Variants in TPTE2 observed in about 807,000 individuals in gnomAD.
TPTE2 encodes phosphatidylinositol 3,4,5-trisphosphate 3-phosphatase TPTE2.
In TPTE2, 53 loss-of-function variants were observed where a neutral mutation model predicts 78.6. The observed-to-expected ratio is 0.67, with a 90% confidence interval of 0.54 to 0.85. The LOEUF (loss-of-function observed/expected upper bound fraction) is 0.85, where lower values mean the gene tolerates loss of function less well. Among genes scored for constraint, TPTE2 ranks in the 40% least tolerant of loss-of-function variants. The probability of loss-of-function intolerance (pLI) is 0.00; values close to 1 mark genes in which losing one functional copy is unlikely to be tolerated. For synonymous variants in TPTE2, 175 were observed against 206.2 expected (o/e 0.85, Z 1.30); for missense variants, 461 against 623.0 (o/e 0.74, Z 2.77).
Position 19,475,222 on chromosome 13 carries a change from AT to A in TPTE2, c.230+350del, listed in dbSNP as rs577275174. Reference sequence around the variant, plus strand: ...GTATAGATGCATATGAGACTCATATATTTTTTTTTCTTTTTTTTTTTTACAT... The same window carrying A: ...GTATAGATGCATATGAGACTCATATATTTTTTTTCTTTTTTTTTTTTACAT... On this transcript the variant is annotated intron_variant, in intron 5 of 19. Coordinates refer to ENST00000400230, the Ensembl canonical transcript of TPTE2. Among the ~76,000 whole-genome samples the A allele has an allele frequency of 4.9e-3, 736 of 150,014 alleles. 5 individuals are homozygous for A. Among genetic ancestry groups the A allele is most frequent in the South Asian group, 0.027 (127 of 4,728 alleles).
intron 13 of TPTE2, among the ~76,000 whole-genome samples, chr13:19,439,898 C>T (rs1277255211): frequency 2.0e-5 from 3 of 151,286 alleles, no homozygotes; most frequent in African/African-American, 4.9e-5. Flanking sequence ...TCCAGTCAGA[C>T]AAAAATAAAG....
chr13:19,499,991 A>G (rs1881659068), intron 1 of TPTE2, among the ~76,000 whole-genome samples: 1 of 147,168 alleles, frequency 6.8e-6, no homozygotes, highest in African/African-American at 2.6e-5. Flanking sequence ...CCACAGAAAT[A>G]CAAACTACCA....
At chr13:19,537,671 T>C (rs778443804), upstream of TPTE2, among the ~76,000 whole-genome samples, 10 of 151,934 alleles carry the variant, frequency 6.6e-5, no homozygotes, top group African/African-American at 1.4e-4. Context: ...GGTACTGTGT[T>C]GGCTCACTGC....
the TPTE2 span, among the ~76,000 whole-genome samples, chr13:19,543,006 G>A: frequency 1.3e-5 from 2 of 151,254 alleles, no homozygotes; most frequent in Non-Finnish European, 3.0e-5. Flanking sequence ...TGCTTTTCTC[G>A]TATCTTAGGA....
chr13:19,495,485 C>G (rs1258714536), intron 1 of TPTE2, among the ~76,000 whole-genome samples: 1 of 152,150 alleles, frequency 6.6e-6, no homozygotes, highest in Non-Finnish European at 1.5e-5. Context: ...TCTGTGAGTT[C>G]CTCCCCATTT....
chr13:19,443,149 T>C lies in TPTE2; in HGVS notation c.974-4996A>G, dbSNP rs140677690. On this transcript the variant is annotated intron_variant, in intron 13 of 19. Transcript: ENST00000400230. ...AATATTAACAGACAGAATCTGGCAA[T>C]ATAATAATAAAATAATTTAATAAGT... is the stretch of plus-strand genomic sequence containing the variant. Among the ~76,000 whole-genome samples, 226 of 152,084 alleles carry C rather than the reference T, an allele frequency of 1.5e-3. 3 individuals carry two copies. The East Asian group carries it at 0.038, about 25-fold the overall frequency.
upstream of TPTE2, chr13:19,503,419 G>T: frequency 2.3e-6 from 2 of 860,278 alleles, no homozygotes; most frequent in Non-Finnish European, 3.5e-6. Flanking sequence ...GGTCTGAAAT[G>T]TCATTTTTTT....
chr13:19,462,006 C>T (rs1312909828), intron 10 of TPTE2, among the ~76,000 whole-genome samples: 5 of 148,610 alleles, frequency 3.4e-5, no homozygotes, highest in Admixed American at 2.7e-4. Context: ...GTTTACATTA[C>T]ATTCAAGGTT....
chr13:19,553,282 C>T, the TPTE2 span, among the ~76,000 whole-genome samples: 2 of 152,192 alleles, frequency 1.3e-5, no homozygotes, highest in Admixed American at 1.3e-4. Flanking sequence ...AACTTATTTA[C>T]TTTTGAAACT....
chr13:19,554,406 A>T, the TPTE2 span, among the ~76,000 whole-genome samples: 2 of 145,620 alleles, frequency 1.4e-5, no homozygotes, highest in African/African-American at 2.5e-5. Flanking sequence ...ATAAATATAA[A>T]AAATAAAATA....
chr13:19,475,636 G>A lies in TPTE2; in HGVS notation c.180-13C>T. 1 of 1,606,324 alleles carries A rather than the reference G, an allele frequency of 6.2e-7. No individual in the cohort carries two copies. The highest frequency in any genetic ancestry group is 8.5e-7 in the Non-Finnish European group (1 of 1,176,872). ...CTTAATCTTGCTGCTGCAAAAAGAAGTAAAAATAAAATTAACCAGATTTCT... is the reference window on the plus strand; with the variant it reads ...CTTAATCTTGCTGCTGCAAAAAGAAATAAAAATAAAATTAACCAGATTTCT... On this transcript the variant is annotated splice_polypyrimidine_tract_variant and intron_variant, in intron 4 of 19. Transcript: ENST00000400230.
intron 1 of TPTE2, among the ~76,000 whole-genome samples, chr13:19,534,142 C>G (rs376940432): frequency 6.6e-6 from 1 of 152,178 alleles, no homozygotes; most frequent in Non-Finnish European, 1.5e-5. Context: ...AAACATACAA[C>G]GCTACATCAG....
Position 19,522,710 on chromosome 13 carries a change from C to T in TPTE2, c.-44+13886G>A, listed in dbSNP as rs567182628. ...TGATCTCGGCTCACTACAAGCTCTG[C>T]CTCCCAGGTTCACGCCATTCTCCTG... On this transcript the variant is annotated intron_variant, in intron 1 of 17. Transcript: ENST00000390680. Among the ~76,000 whole-genome samples, 15 of 147,836 alleles carry T rather than the reference C, an allele frequency of 1.0e-4. 1 individual carries two copies. The highest frequency in any genetic ancestry group is 3.8e-4 in the African/African-American group (15 of 39,952).
intron 19 of TPTE2, 30 bp downstream of exon 22, chr13:19,424,917 T>A: frequency 7.7e-7 from 1 of 1,293,970 alleles, no homozygotes; most frequent in Middle Eastern, 1.9e-4. Context: ...AAGATTAGGC[T>A]GTTTCTATGG....
intron 3 of TPTE2, among the ~76,000 whole-genome samples, chr13:19,488,135 C>T (rs1880768024): frequency 6.6e-6 from 1 of 152,190 alleles, no homozygotes; most frequent in South Asian, 2.1e-4. Flanking sequence ...CAGGACTATG[C>T]CTTTGATACT....
rs1566039676 is a variant in TPTE2, at chr13:19,438,072, T to C, written c.1035+20A>G. On this transcript the variant is annotated intron_variant, in intron 14 of 19. Coordinates refer to ENST00000400230, the Ensembl canonical transcript of TPTE2. ...AAACTCAATCATCATAAGAGAAAGT[T>C]TGTAGAACATCTTTCATACCTCGGC... 15 of 1,602,902 alleles carry C rather than the reference T, an allele frequency of 9.4e-6. No individual in the cohort carries two copies. The highest frequency in any genetic ancestry group is 1.3e-5 in the Non-Finnish European group (15 of 1,173,406).
intron 19 of TPTE2, among the ~76,000 whole-genome samples, chr13:19,424,515 G>A (rs183134587): frequency 1.2e-4 from 18 of 152,242 alleles, no homozygotes; most frequent in African/African-American, 3.6e-4. Flanking sequence ...AAGTGTGTCC[G>A]TCAGCTTTTC....
At chr13:19,543,129 C>T in the TPTE2 span, among the ~76,000 whole-genome samples, 1 of 151,774 alleles carries the variant, frequency 6.6e-6, no homozygotes, top group African/African-American at 2.4e-5. Context: ...GTGATCTCAG[C>T]TCACTGCAAC....
intron 13 of TPTE2, among the ~76,000 whole-genome samples, chr13:19,440,601 C>A (rs1043958796): frequency 6.6e-6 from 1 of 151,994 alleles, no homozygotes; most frequent in African/African-American, 2.4e-5. Context: ...GAAACTCCGT[C>A]TTTACTAAAA....
Sources: gnomAD v4.1 joint callset for allele counts (sites outside exome capture counted in the v4.1 genomes callset) on GRCh38, gnomAD v4.1.1 for gene constraint, MANE v1.5 for transcripts, NCBI Gene and HGNC (gene_info 2026-07-23, HGNC 2026-07-21) for gene names.